The following CATSPERG variants were observed in gnomAD, a reference collection of about 807,000 sequenced individuals.
CATSPERG encodes the protein cation channel sperm-associated auxiliary subunit gamma.
In CATSPERG, 115 loss-of-function variants were observed where a neutral mutation model predicts 145.0. That is an observed-to-expected ratio of 0.79 (90% CI 0.68 to 0.93). CATSPERG has a LOEUF of 0.93. Ranked by LOEUF, CATSPERG falls within the 40% of genes least tolerant of loss-of-function variation. The probability of loss-of-function intolerance (pLI) is 0.00; values close to 1 mark genes in which losing one functional copy is unlikely to be tolerated. For missense variants in CATSPERG, 1,296 were observed against 1,490.1 expected, an observed-to-expected ratio of 0.87 and a Z score of 2.14; for synonymous variants, 588 against 589.0, an observed-to-expected ratio of 1.00 and a Z score of 0.02.
At position 38,362,272 on chromosome 19, in the gene CATSPERG, G is replaced by T; in HGVS notation, c.2157G>T (p.Gln719His). Residue 719 changes from glutamine (Q) to histidine (H), a missense_variant and splice_region_variant, in exon 18 of 29, where the codon CAG (glutamine) becomes CAT (histidine). By Grantham distance (24) the Gln-to-His change is conservative (BLOSUM62 0). Transcript: ENST00000409235. Reference sequence around the variant, plus strand: ...GGTGGGCGAACAACAAACAAGACCAGGTAGGCGGAGCGGATTGGGAGCCGG... The same window carrying T: ...GGTGGGCGAACAACAAACAAGACCATGTAGGCGGAGCGGATTGGGAGCCGG... ...WRWWANNKQD[Q>H]DYYFFLASNW... is the part of the protein sequence containing the mutation. 6.2e-7 allele frequency: 1 copy of T among 1,613,514 alleles called. No homozygotes were observed. Among genetic ancestry groups the T allele is most frequent in the East Asian group, 2.2e-5 (1 of 44,848 alleles).
chr19:38,367,806 C>T (rs1568384293), intron 25 of CATSPERG, 30 bp downstream of exon 25: 2 of 1,596,856 alleles, frequency 1.3e-6, no homozygotes, highest in East Asian at 2.2e-5. Context: ...ACGTGTAATC[C>T]ACCTTGCTTC....
At chr19:38,366,038 G>A (rs1568383418) in intron 22 of CATSPERG, 1 of 152,306 alleles carries the variant, frequency 6.6e-6, no homozygotes, top group Non-Finnish European at 1.5e-5. Flanking sequence ...TGGCACAAAG[G>A]TGGCATAAGG....
chr19:38,337,165 A>G (rs73043015), intron 1 of CATSPERG, 56 bp from the exon 2 acceptor site: 52,500 of 1,528,790 alleles, frequency 0.034, 996 homozygotes, highest in East Asian at 0.059. Context: ...TGGAATCTTA[A>G]AAGTGGGCTC....
At chr19:38,336,455 G>T in intron 1 of CATSPERG, 1 of 322,338 alleles carries the variant, frequency 3.1e-6, no homozygotes. Flanking sequence ...GCGCGGTCAG[G>T]AGCGGAAGCA....
chr19:38,354,992 C>T (rs995826360), intron 9 of CATSPERG, 145 bp downstream of exon 9: 16 of 924,382 alleles, frequency 1.7e-5, no homozygotes, highest in East Asian at 2.5e-5. Context: ...TGGAGGGATG[C>T]GTTTGTAGGG....
chr19:38,337,562 T>C, intron 2 of CATSPERG, 31 bp from the exon 3 acceptor site: 1 of 1,551,842 alleles, frequency 6.4e-7, no homozygotes, highest in Non-Finnish European at 8.7e-7. Flanking sequence ...TCCACTCATT[T>C]CTGGACGTGT....
At chr19:38,368,011 C>A in intron 25 of CATSPERG, 37 bp from the exon 26 acceptor site, 1 of 1,597,474 alleles carries the variant, frequency 6.3e-7, no homozygotes, top group Non-Finnish European at 8.6e-7. Context: ...CTACACCGCC[C>A]CCCAACCCCT....
chr19:38,362,068 T>G (rs890904162), intron 17 of CATSPERG, 142 bp from the exon 18 acceptor site: 90 of 1,029,424 alleles, frequency 8.7e-5, no homozygotes, highest in Non-Finnish European at 1.1e-4. Context: ...GAAAGCAGGG[T>G]TTGGGGATGG....
In CATSPERG at chr19:38,352,309, G is replaced by A. The variant is rs1194581776; in HGVS notation, c.874G>A (p.Gly292Ser). Residue 292 changes from glycine (G) to serine (S), a missense_variant, in exon 8 of 29, where the codon GGC becomes AGC. Physicochemically the swap from Gly to Ser is moderately conservative, Grantham distance 56. Transcript: ENST00000409235. ...GGGCTCCTTCTACTGCCCCCATTCTGGCTTCACAGCCACCATCTATGACAC... is the reference window on the plus strand; with the variant it reads ...GGGCTCCTTCTACTGCCCCCATTCTAGCTTCACAGCCACCATCTATGACAC... ...WVGSFYCPHSGFTATIYDTIA... is the reference protein window; with the variant it reads ...WVGSFYCPHSSFTATIYDTIA... 6.4e-7 allele frequency: 1 copy of A among 1,551,654 alleles called. No homozygotes were observed. The highest frequency in any genetic ancestry group is 8.7e-7 in the Non-Finnish European group (1 of 1,147,116).
At chr19:38,367,415 T>C in intron 23 of CATSPERG, 94 bp from the exon 24 acceptor site, 2 of 1,559,560 alleles carry the variant, frequency 1.3e-6, no homozygotes, top group South Asian at 1.2e-5. Flanking sequence ...CCCACCCTTT[T>C]TCCTGCGGCA....
Position 38,361,775 on chromosome 19 carries a change from C to G in CATSPERG, c.2008C>G (p.Arg670Gly), listed in dbSNP as rs1183399906. Residue 670 changes from arginine to glycine, a missense_variant, in exon 17 of 29, where the codon CGC (arginine) becomes GGC (glycine). Coordinates refer to ENST00000409235, the MANE Select transcript of CATSPERG (RefSeq NM_021185.5). Reference sequence around the variant, plus strand: ...GGCGCGGCCGCCGCGCGTCCTGGAGCGCTCGGGCTTCCACAACGAGAACTC... The same window carrying G: ...GGCGCGGCCGCCGCGCGTCCTGGAGGGCTCGGGCTTCCACAACGAGAACTC... ...YRARPPRVLERSGFHNENSLA... is the reference protein window; with the variant it reads ...YRARPPRVLEGSGFHNENSLA... 4 of 1,613,038 alleles carry G rather than the reference C, an allele frequency of 2.5e-6. No homozygotes were observed. Among genetic ancestry groups the G allele is most frequent in the Non-Finnish European group, 3.4e-6 (4 of 1,179,678 alleles).
intron 14 of CATSPERG, 39 bp downstream of exon 14, chr19:38,359,620 C>T (rs1315752927): frequency 6.3e-7 from 1 of 1,583,510 alleles, no homozygotes; most frequent in Non-Finnish European, 8.6e-7. Context: ...CCTCTCTGCC[C>T]ACCCCCAAAC....
At chr19:38,351,999 C>T (rs182069516) in intron 7 of CATSPERG, among the ~76,000 whole-genome samples, 14 of 152,296 alleles carry the variant, frequency 9.2e-5, no homozygotes, top group Middle Eastern at 6.8e-3. Flanking sequence ...CGCTAAGGAC[C>T]GTTGAGCATG....
At chr19:38,336,402 C>T (rs775121075) in intron 1 of CATSPERG, 3 of 329,266 alleles carry the variant, frequency 9.1e-6, no homozygotes, top group Non-Finnish European at 1.9e-5. Context: ...GCCGAGAACC[C>T]GGGGAAGGAA....
chr19:38,358,282 T>C lies in CATSPERG; in HGVS notation c.1320T>C (p.Ser440=). The change falls in exon 12 of 29, where the codon AGT becomes AGC. Residue 440 remains serine (S), a synonymous_variant. Coordinates refer to ENST00000409235, the MANE Select transcript of CATSPERG (RefSeq NM_021185.5). The part of the protein sequence containing the change: ...RFQVVSYNTA[S]DDLELLYHIP... ...CTGTGTTCTCCCCACCTGTAGCTAG[T>C]GATGACCTGGAACTTCTCTACCACA... 1 of 1,614,168 alleles carries C rather than the reference T, an allele frequency of 6.2e-7. No homozygotes were observed. The highest frequency in any genetic ancestry group is 8.5e-7 in the Non-Finnish European group (1 of 1,180,018).
chr19:38,340,322 T>TTC (rs1568370708), intron 3 of CATSPERG, among the ~76,000 whole-genome samples: 2 of 151,380 alleles, frequency 1.3e-5, no homozygotes, highest in African/African-American at 4.8e-5. Context: ...ACAGAGTCTT[T>TTC]TTTTTTTTCT....
In CATSPERG at chr19:38,359,493, A is replaced by C. The variant is rs1472756326; in HGVS notation, c.1520A>C (p.Tyr507Ser). 5.6e-6 allele frequency: 9 copies of C among 1,613,460 alleles called. No individual in the cohort carries two copies. Among genetic ancestry groups the C allele is most frequent in the Non-Finnish European group, 7.6e-6 (9 of 1,179,636 alleles). Residue 507 changes from tyrosine to serine, a missense_variant, in exon 14 of 29, where the codon TAC (tyrosine) becomes TCC (serine). Tyr to Ser is a moderately radical substitution (Grantham distance 144). Transcript: ENST00000409235. Reference protein sequence around the residue: ...LQSSNKENFIYLADFPKELSI... With the variant: ...LQSSNKENFISLADFPKELSI... Reference sequence around the variant, plus strand: ...AGCTCTAACAAGGAAAACTTCATCTACCTGGCAGACTTCCCCAAGGAACTG... The same window carrying C: ...AGCTCTAACAAGGAAAACTTCATCTCCCTGGCAGACTTCCCCAAGGAACTG...
chr19:38,367,440 G>C, intron 23 of CATSPERG, 69 bp from the exon 24 acceptor site: 2 of 1,571,528 alleles, frequency 1.3e-6, no homozygotes, highest in South Asian at 1.1e-5. Context: ...ACTTTCCCCC[G>C]TCTCGGTCCT....
In CATSPERG at chr19:38,364,880, T is replaced by G. The variant is rs775140618; in HGVS notation, c.2476-11T>G. ...CCCTTCATTTCTGCCTCTCCCCTCC[T>G]TCAACCCCAGATTACGCTCAAGGAT... On this transcript the variant is annotated splice_polypyrimidine_tract_variant and intron_variant, in intron 20 of 28. Transcript: ENST00000409235. 25 of 1,611,032 alleles carry G rather than the reference T, an allele frequency of 1.6e-5. No homozygotes were observed. The highest frequency in any genetic ancestry group is 2.1e-5 in the Non-Finnish European group (25 of 1,177,256).
Sources: gnomAD v4.1 joint callset for allele counts (sites outside exome capture counted in the v4.1 genomes callset) on GRCh38, gnomAD v4.1.1 for gene constraint, MANE v1.5 for transcripts, NCBI Gene and HGNC (gene_info 2026-07-23, HGNC 2026-07-21) for gene names.